The following CSMD2 variants were observed in gnomAD, a reference collection of about 807,000 sequenced individuals.
CSMD2 encodes CUB and sushi domain-containing protein 2.
CSMD2 carries 130 observed loss-of-function variants against 398.5 expected under a neutral mutation model. The ratio of observed to expected loss-of-function variants is 0.33; its 90% CI spans 0.28 to 0.38. The LOEUF (loss-of-function observed/expected upper bound fraction) is 0.38, where lower values mean the gene tolerates loss of function less well. Among genes scored for constraint, CSMD2 ranks in the 10% least tolerant of loss-of-function variants. The probability of loss-of-function intolerance (pLI) is 1.00; values close to 1 mark genes in which losing one functional copy is unlikely to be tolerated. For missense variants in CSMD2, 3,829 were observed against 4,764.9 expected, an observed-to-expected ratio of 0.80 and a Z score of 5.78; for synonymous variants, 1,828 against 1,908.5, an observed-to-expected ratio of 0.96 and a Z score of 1.10.
Position 33,652,439 on chromosome 1 carries a change from TG to T in CSMD2, c.4469del (p.Thr1490LysfsTer26). 1.2e-6 allele frequency: 2 copies of T among 1,614,182 alleles called. No homozygotes were observed. The highest frequency in any genetic ancestry group is 1.7e-6 in the Non-Finnish European group (2 of 1,180,010). On this transcript the variant is annotated frameshift_variant, in exon 28 of 71. Coordinates refer to ENST00000373381, the MANE Select transcript of CSMD2 (RefSeq NM_001281956.2). LOFTEE classifies it high-confidence loss of function. ...TCIAPCGGDL[T>X]GPSGVILSPN... is the part of the protein sequence containing the mutation. ...GTGAGAGGATGACTCCAGATGGTCC[TG>T]TCAGGTCTCCCCCGCAGGGAGCTGA...
At chr1:33,977,514 C>T (rs2147942066) in intron 3 of CSMD2, among the ~76,000 whole-genome samples, 1 of 152,220 alleles carries the variant, frequency 6.6e-6, no homozygotes. Flanking sequence ...CTGCTCAAAG[C>T]CCTCAGTGGT....
chr1:33,786,438 A>G (rs2124833322), intron 12 of CSMD2, among the ~76,000 whole-genome samples: 1 of 152,274 alleles, frequency 6.6e-6, no homozygotes, highest in South Asian at 2.1e-4. Context: ...AGGTCTCCTG[A>G]TAGTTTTGTC....
At position 34,081,800 on chromosome 1, in the gene CSMD2, G is replaced by A. The variant is rs560057130; in HGVS notation, c.404+7177C>T. 1.4e-3 allele frequency among the ~76,000 whole-genome samples: 216 copies of A among 152,316 alleles called. 1 individual carries two copies. In the Middle Eastern group the frequency reaches 0.034, roughly 24 times the overall value. ...CTTGGCCTCCCAAAGTGCTGACATT[G>A]CCGCCTCTGCATGGCCGCCACCCCG... On this transcript the variant is annotated intron_variant, in intron 2 of 70. Transcript: ENST00000373381.
At chr1:33,576,150 T>C (rs575228618) in intron 49 of CSMD2, among the ~76,000 whole-genome samples, 46 of 152,304 alleles carry the variant, frequency 3.0e-4, no homozygotes, top group African/African-American at 1.1e-3. Context: ...TAAGGAAATA[T>C]GTAATATTCA....
chr1:33,830,361 G>A (rs558762849), intron 6 of CSMD2, among the ~76,000 whole-genome samples: 1 of 152,180 alleles, frequency 6.6e-6, no homozygotes, highest in African/African-American at 2.4e-5. Context: ...ACGAAAATCT[G>A]CTGTTCTGCA....
chr1:34,116,904 G>GA (rs1272922718), intron 1 of CSMD2, among the ~76,000 whole-genome samples: 5 of 151,864 alleles, frequency 3.3e-5, no homozygotes, highest in South Asian at 2.1e-4. Flanking sequence ...ATGGGTCAAA[G>GA]AAAAAATCAC....
Position 33,533,877 on chromosome 1 carries a change from T to C in CSMD2, c.9910A>G (p.Lys3304Glu). Residue 3304 changes from lysine (K) to glutamate (E), a missense_variant, in exon 63 of 71, where the codon AAA becomes GAA. This residue lies in a region of CSMD2 where 917 missense variants were observed against 1,199.5 expected (regional missense o/e 0.76). Transcript: ENST00000373381. This position sits in a 1 kb window ranked among gnomAD's most constrained non-coding sequence, Gnocchi z 4.2. ...VGSTVLFRCQKGYLLQGSTTR... is the reference protein window; with the variant it reads ...VGSTVLFRCQEGYLLQGSTTR... Reference sequence around the variant, plus strand: ...GTGGAGCCCTGAAGCAGGTAGCCTTTTTGACAACGGAAGAGGACTGTGCTT... The same window carrying C: ...GTGGAGCCCTGAAGCAGGTAGCCTTCTTGACAACGGAAGAGGACTGTGCTT... The C allele has an allele frequency of 6.2e-7, 1 of 1,614,066 alleles. No individual in the cohort carries two copies. The highest frequency in any genetic ancestry group is 8.5e-7 in the Non-Finnish European group (1 of 1,179,944).
At chr1:33,771,543 C>A (rs553792) in intron 13 of CSMD2, among the ~76,000 whole-genome samples, 47,598 of 151,904 alleles carry the variant, frequency 0.31, 8,433 homozygotes, top group African/African-American at 0.48. Flanking sequence ...TGTTGGACAA[C>A]GTGATTTTTT....
At chr1:33,786,234 C>G (rs1653519314) in intron 12 of CSMD2, among the ~76,000 whole-genome samples, 1 of 152,180 alleles carries the variant, frequency 6.6e-6, no homozygotes, top group African/African-American at 2.4e-5. Flanking sequence ...CTATTTACTT[C>G]TTATTCAAAC....
intron 3 of CSMD2, among the ~76,000 whole-genome samples, chr1:34,016,986 C>T (rs770974495): frequency 8.0e-4 from 122 of 152,054 alleles, no homozygotes; most frequent in Non-Finnish European, 1.3e-3. Context: ...GGTACGTGAT[C>T]GTTTAACTGG....
intron 19 of CSMD2, among the ~76,000 whole-genome samples, chr1:33,723,773 C>CTATTAGAAG (rs1242417878): frequency 6.6e-6 from 1 of 152,192 alleles, no homozygotes; most frequent in Non-Finnish European, 1.5e-5. Context: ...TTTTCAGAGA[C>CTATTAGAAG]ACCTAATAGA....
At chr1:33,693,822 C>T (rs548458957) in intron 24 of CSMD2, among the ~76,000 whole-genome samples, 4 of 152,198 alleles carry the variant, frequency 2.6e-5, no homozygotes, top group Admixed American at 1.3e-4. Context: ...TTTTGTGGGG[C>T]TGAGGTGGGT....
At chr1:33,588,232 A>G (rs1180620875) in intron 44 of CSMD2, among the ~76,000 whole-genome samples, 4 of 152,218 alleles carry the variant, frequency 2.6e-5, no homozygotes, top group African/African-American at 9.6e-5. Context: ...CATTTCTTAG[A>G]AAATATGATT....
intron 10 of CSMD2, among the ~76,000 whole-genome samples, chr1:33,805,996 C>T (rs543808800): frequency 6.6e-5 from 10 of 152,102 alleles, no homozygotes; most frequent in Middle Eastern, 3.4e-3. Context: ...AACATGAAGA[C>T]GGCTTTGGTC....
rs922098043 is a variant in CSMD2 at position 34,068,001 on chromosome 1, G to A, written c.404+20976C>T. 4.6e-5 allele frequency among the ~76,000 whole-genome samples: 7 copies of A among 152,136 alleles called. No individual in the cohort carries two copies. In the East Asian group the frequency reaches 1.3e-3, roughly 29 times the overall value. On this transcript the variant is annotated intron_variant, in intron 2 of 70. Coordinates refer to ENST00000373381, the MANE Select transcript of CSMD2 (RefSeq NM_001281956.2). ...GATGGCATGTCTGTAGCCCAGAGAG[G>A]TGCTTCCCTAGAAGCCCCAACTTCT...
At chr1:34,060,515 G>T (rs1207763736) in intron 2 of CSMD2, among the ~76,000 whole-genome samples, 1 of 152,160 alleles carries the variant, frequency 6.6e-6, no homozygotes, top group East Asian at 1.9e-4. Flanking sequence ...CCTGGGGGGA[G>T]CTCTGAGGCT....
chr1:33,658,236 A>T (rs1571118434), intron 26 of CSMD2, 99 bp from the exon 27 acceptor site: 15 of 1,016,074 alleles, frequency 1.5e-5, no homozygotes, highest in Non-Finnish European at 1.9e-5. Flanking sequence ...TCATCCGTGC[A>T]TTGCCACAAC....
intron 25 of CSMD2, among the ~76,000 whole-genome samples, chr1:33,689,730 T>C (rs1162859729): frequency 2.0e-5 from 3 of 152,322 alleles, no homozygotes; most frequent in East Asian, 1.9e-4. Flanking sequence ...TCCTTCTCTT[T>C]AGACGATGTG....
chr1:33,610,102 CTT>C (rs1225066556), intron 41 of CSMD2, among the ~76,000 whole-genome samples: 1 of 152,168 alleles, frequency 6.6e-6, no homozygotes, highest in Non-Finnish European at 1.5e-5. Context: ...TGATCTTGGA[CTT>C]CCTAGCCCTC....
Sources: gnomAD v4.1 joint callset for allele counts (sites outside exome capture counted in the v4.1 genomes callset) on GRCh38, gnomAD v4.1.1 for gene constraint, gnomAD v4.1.1 regional missense constraint, Gnocchi (gnomAD v3.1) non-coding constraint, MANE v1.5 for transcripts, NCBI Gene and HGNC (gene_info 2026-07-23, HGNC 2026-07-21) for gene names.